Variants in CARMIL1 observed in about 807,000 individuals in gnomAD.
CARMIL1 encodes capping protein regulator and myosin 1 linker 1, also known as F-actin-uncapping protein LRRC16A.
A neutral mutation model predicts 177.1 loss-of-function variants in CARMIL1; 90 were observed. The ratio of observed to expected loss-of-function variants is 0.51; its 90% confidence interval spans 0.43 to 0.61. The LOEUF is 0.61. CARMIL1 is among the 20% of genes least tolerant of loss of function. The pLI is 0.00. For missense variants in CARMIL1, 1,380 were observed against 1,667.0 expected (o/e 0.83, Z 3.00); for synonymous variants, 577 against 606.2 (o/e 0.95, Z 0.71).
At chr6:25,426,403 A>G (rs971469895) in intron 3 of CARMIL1, 98 bp from the exon 4 acceptor site, 106 of 893,568 alleles carry the variant, frequency 1.2e-4, no homozygotes, top group Non-Finnish European at 1.6e-4. Flanking sequence ...GGCTGTTTCT[A>G]GTTGTAGGAT....
chr6:25,304,343 C>T (rs893152367), intron 2 of CARMIL1, among the ~76,000 whole-genome samples: 1 of 152,086 alleles, frequency 6.6e-6, no homozygotes, highest in Non-Finnish European at 1.5e-5. Flanking sequence ...GATTGCTTGC[C>T]CTCTTAACTA....
intron 29 of CARMIL1, among the ~76,000 whole-genome samples, chr6:25,580,361 G>T (rs1187091502): frequency 1.3e-5 from 2 of 152,170 alleles, no homozygotes; most frequent in Non-Finnish European, 2.9e-5. Context: ...TCATTTTTTA[G>T]AAGATTAACA....
intron 2 of CARMIL1, among the ~76,000 whole-genome samples, chr6:25,310,922 T>G (rs1167007871): frequency 1.1e-4 from 16 of 152,090 alleles, no homozygotes; most frequent in South Asian, 2.1e-4. Flanking sequence ...TAAAACATGG[T>G]GGGTTGAGGC....
At chr6:25,462,113 A>AT (rs772967515) in intron 8 of CARMIL1, among the ~76,000 whole-genome samples, 6 of 152,200 alleles carry the variant, frequency 3.9e-5, no homozygotes, top group Non-Finnish European at 5.9e-5. Context: ...TTCTGTCAGC[A>AT]TGTGGCTTAT....
intron 2 of CARMIL1, among the ~76,000 whole-genome samples, chr6:25,380,387 T>A (rs1408339902): frequency 6.6e-6 from 1 of 152,198 alleles, no homozygotes; most frequent in Non-Finnish European, 1.5e-5. Context: ...ATAGAAAGTA[T>A]ACAAACTGAT....
At chr6:25,281,006 CTT>C (rs1781047146) in intron 1 of CARMIL1, among the ~76,000 whole-genome samples, 1 of 152,084 alleles carries the variant, frequency 6.6e-6, no homozygotes, top group African/African-American at 2.4e-5. Context: ...GCAGGTAAAA[CTT>C]GATGTAGAGA....
At chr6:25,460,041 G>A (rs1799996410) in intron 8 of CARMIL1, among the ~76,000 whole-genome samples, 1 of 152,184 alleles carries the variant, frequency 6.6e-6, no homozygotes, top group Non-Finnish European at 1.5e-5. Flanking sequence ...CAGTTAATAT[G>A]ACAATGGCTG....
At chr6:25,534,005 TC>T (rs1237486778) in intron 24 of CARMIL1, among the ~76,000 whole-genome samples, 3 of 152,156 alleles carry the variant, frequency 2.0e-5, no homozygotes, top group Non-Finnish European at 4.4e-5. Flanking sequence ...TCATTTGCTT[TC>T]CCCATCCATT....
chr6:25,520,749 A>G (rs541771449), intron 23 of CARMIL1, among the ~76,000 whole-genome samples: 217 of 151,444 alleles, frequency 1.4e-3, no homozygotes, highest in African/African-American at 4.9e-3. Flanking sequence ...TCACTTTACC[A>G]TCCTCATCTA....
chr6:25,449,795 G>A, intron 5 of CARMIL1, 103 bp from the exon 6 acceptor site: 1 of 618,776 alleles, frequency 1.6e-6, no homozygotes, highest in Admixed American at 3.3e-5. Flanking sequence ...AAATTGAAGT[G>A]ACCCTCATCT....
chr6:25,524,785 G>GA (rs1005638395), intron 23 of CARMIL1, among the ~76,000 whole-genome samples: 35 of 150,752 alleles, frequency 2.3e-4, no homozygotes, highest in Admixed American at 9.9e-4. Flanking sequence ...AAGCTCTTAA[G>GA]AAAAAAAAAT....
chr6:25,396,702 T>G (rs1562083512), intron 2 of CARMIL1, among the ~76,000 whole-genome samples: 1 of 152,186 alleles, frequency 6.6e-6, no homozygotes, highest in Non-Finnish European at 1.5e-5. Context: ...ATGGTAACTT[T>G]GTTTATTTTT....
intron 33 of CARMIL1, among the ~76,000 whole-genome samples, chr6:25,602,961 T>C (rs1815586388): frequency 6.6e-6 from 1 of 152,240 alleles, no homozygotes; most frequent in African/African-American, 2.4e-5. Flanking sequence ...CTCTGGGGCC[T>C]CCAAGTCATC....
At chr6:25,375,838 G>A (rs946115594) in intron 2 of CARMIL1, among the ~76,000 whole-genome samples, 8 of 152,024 alleles carry the variant, frequency 5.3e-5, no homozygotes, top group African/African-American at 1.9e-4. Context: ...GTTCGGATTG[G>A]TTTTTCTTCA....
intron 2 of CARMIL1, among the ~76,000 whole-genome samples, chr6:25,381,452 C>T (rs555088452): frequency 3.3e-5 from 5 of 152,312 alleles, no homozygotes; most frequent in African/African-American, 1.2e-4. Context: ...GGCTTAGACC[C>T]ACAAGACTCT....
chr6:25,416,502 T>C (rs1218012835), intron 2 of CARMIL1, among the ~76,000 whole-genome samples: 1 of 152,234 alleles, frequency 6.6e-6, no homozygotes, highest in African/African-American at 2.4e-5. Context: ...TGTGGTAACA[T>C]ATACAAACCT....
In CARMIL1 at chr6:25,469,674, T is replaced by C. The variant is rs964104215; in HGVS notation, c.691-1495T>C. ...CTGGGCTCAAGTGATCCTCCCACCTTACCCTCCTGAGTAGCTGGGACTGCA... is the reference window on the plus strand; with the variant it reads ...CTGGGCTCAAGTGATCCTCCCACCTCACCCTCCTGAGTAGCTGGGACTGCA... On this transcript the variant is annotated intron_variant, in intron 9 of 36. Transcript: ENST00000329474. Among the ~76,000 whole-genome samples, 39 of 152,036 alleles carry C rather than the reference T, an allele frequency of 2.6e-4. 2 individuals carry two copies. The highest frequency in any genetic ancestry group is 4.4e-5 in the Non-Finnish European group (3 of 67,984).
At chr6:25,441,355 GTGTGTGTGTGTGTGTGTCTA>G (rs1335792682) in intron 5 of CARMIL1, among the ~76,000 whole-genome samples, 1 of 142,058 alleles carries the variant, frequency 7.0e-6, no homozygotes, top group African/African-American at 2.7e-5. Context: ...GTGTGTGTGT[GTGTGTGTGTGTGTGTGTCTA>G]TGTGTGTGTG....
chr6:25,392,104 C>A (rs891699959), intron 2 of CARMIL1, among the ~76,000 whole-genome samples: 14 of 145,214 alleles, frequency 9.6e-5, no homozygotes, highest in African/African-American at 3.6e-4. Flanking sequence ...GTGTGTATCA[C>A]ATGTGGTATG....
Sources: allele counts gnomAD v4.1 joint callset (sites outside exome capture counted in the v4.1 genomes callset), GRCh38; gene constraint gnomAD v4.1.1; transcripts MANE v1.5; gene names NCBI Gene and HGNC (gene_info 2026-07-23, HGNC 2026-07-21).